The following ROBO2 variants were observed in gnomAD, a reference collection of about 807,000 sequenced individuals.
The protein encoded by ROBO2 is roundabout guidance receptor 2, also known as roundabout homolog 2.
ROBO2 carries 53 observed loss-of-function variants against 160.8 expected under a neutral mutation model. The observed-to-expected ratio is 0.33, with a 90% CI of 0.26 to 0.41. The LOEUF is 0.41. Among genes scored for constraint, ROBO2 ranks in the 10% least tolerant of loss-of-function variants. The pLI, the probability that ROBO2 is intolerant of heterozygous loss-of-function variation, is 1.00. For missense variants in ROBO2, 1,577 were observed against 1,722.4 expected, an observed-to-expected ratio of 0.92 and a Z score of 1.49; for synonymous variants, 664 against 611.7, an observed-to-expected ratio of 1.09 and a Z score of -1.26.
chr3:77,590,001 G>A (rs556843339), intron 17 of ROBO2, among the ~76,000 whole-genome samples: 10 of 152,162 alleles, frequency 6.6e-5, no homozygotes, highest in Non-Finnish European at 2.9e-5. Context: ...AAGCTTTTAC[G>A]ATGCTGTGGC....
At chr3:77,069,404 A>G (rs2067183785) in intron 1 of ROBO2, among the ~76,000 whole-genome samples, 1 of 152,184 alleles carries the variant, frequency 6.6e-6, no homozygotes, top group Admixed American at 6.5e-5. Context: ...GAATGACTGG[A>G]CTTGTCATAT....
chr3:76,543,264 A>G (rs183491701), intron 2 of ROBO2, among the ~76,000 whole-genome samples: 11 of 152,288 alleles, frequency 7.2e-5, no homozygotes, highest in African/African-American at 2.2e-4. Context: ...TTAACCCACA[A>G]TGTGACTGTA....
intron 2 of ROBO2, among the ~76,000 whole-genome samples, chr3:76,936,912 A>G (rs1015624803): frequency 6.6e-6 from 1 of 151,938 alleles, no homozygotes; most frequent in African/African-American, 2.4e-5. Flanking sequence ...TGGAAACATT[A>G]TTCCTAGAAA....
At chr3:76,065,539 C>A (rs1039860895) in intron 2 of ROBO2, among the ~76,000 whole-genome samples, 2 of 151,782 alleles carry the variant, frequency 1.3e-5, no homozygotes, top group Non-Finnish European at 2.9e-5. Flanking sequence ...GTAAAAGCAT[C>A]AGAAACCTAA....
At chr3:76,936,897 G>T (rs1218023942) in intron 2 of ROBO2, among the ~76,000 whole-genome samples, 2 of 151,518 alleles carry the variant, frequency 1.3e-5, no homozygotes, top group Non-Finnish European at 2.9e-5. Context: ...TTCTGAACTG[G>T]TTGTTGGAAA....
rs535607298 is a variant in ROBO2 at position 76,099,217 on chromosome 3, T to C, written c.109+161615T>C. ...TAGCCGTTCCTTTTCTCCTCTTCTA[T>C]CTCTCTCAGTGGGATAATTTGAAAA... On this transcript the variant is annotated intron_variant, in intron 2 of 26. Transcript: ENST00000487694. Among the ~76,000 whole-genome samples the C allele has an allele frequency of 2.6e-5, 4 of 152,256 alleles. No individual in the cohort carries two copies. In the South Asian group the frequency reaches 8.3e-4, roughly 32 times the overall value.
At chr3:76,301,909 G>T (rs1709378051) in intron 2 of ROBO2, among the ~76,000 whole-genome samples, 1 of 151,980 alleles carries the variant, frequency 6.6e-6, no homozygotes, top group African/African-American at 2.4e-5. Context: ...CCTCCATCCT[G>T]TTGACATGAT....
At chr3:76,933,650 A>C (rs1034742673) in intron 2 of ROBO2, among the ~76,000 whole-genome samples, 1 of 152,188 alleles carries the variant, frequency 6.6e-6, no homozygotes, top group African/African-American at 2.4e-5. Context: ...TCCTCCTCTA[A>C]GTTTGGATTG....
At chr3:76,349,326 C>G (rs1329730644) in intron 2 of ROBO2, among the ~76,000 whole-genome samples, 1 of 151,942 alleles carries the variant, frequency 6.6e-6, no homozygotes. Context: ...ATAAATAATA[C>G]TAATAGCAGG....
At chr3:76,939,194 T>C (rs189708657) in intron 2 of ROBO2, among the ~76,000 whole-genome samples, 1 of 152,288 alleles carries the variant, frequency 6.6e-6, no homozygotes, top group African/African-American at 2.4e-5. Flanking sequence ...AATTGCCCCA[T>C]ACTTAGCATT....
chr3:77,339,521 C>T (rs1332592408), intron 2 of ROBO2, among the ~76,000 whole-genome samples: 5 of 152,048 alleles, frequency 3.3e-5, no homozygotes, highest in Non-Finnish European at 7.4e-5. Flanking sequence ...TGGACAACAT[C>T]AGTGTCCCTA....
At chr3:76,543,313 T>C (rs887223854) in intron 2 of ROBO2, among the ~76,000 whole-genome samples, 4 of 152,100 alleles carry the variant, frequency 2.6e-5, no homozygotes, top group Admixed American at 6.6e-5. Flanking sequence ...AGTGAGTTCA[T>C]AGGATGGGAC....
chr3:76,447,667 A>T (rs1577257802), intron 2 of ROBO2, among the ~76,000 whole-genome samples: 1 of 151,274 alleles, frequency 6.6e-6, no homozygotes, highest in African/African-American at 2.4e-5. Context: ...GATAGACTGG[A>T]TTAAGAAAAT....
chr3:76,366,814 A>T (rs2075835351), intron 2 of ROBO2, among the ~76,000 whole-genome samples: 1 of 152,016 alleles, frequency 6.6e-6, no homozygotes, highest in Non-Finnish European at 1.5e-5. Context: ...TTTATTAAGC[A>T]GAGAAATAAT....
At chr3:77,107,519 A>G (rs2072971522) in intron 2 of ROBO2, among the ~76,000 whole-genome samples, 1 of 152,220 alleles carries the variant, frequency 6.6e-6, no homozygotes, top group Non-Finnish European at 1.5e-5. Flanking sequence ...TATACCAACA[A>G]GAAATATTAC....
chr3:76,790,839 G>A (rs2063308891), intron 2 of ROBO2, among the ~76,000 whole-genome samples: 2 of 151,670 alleles, frequency 1.3e-5, no homozygotes, highest in Admixed American at 6.6e-5. Context: ...GGGCCCTTGT[G>A]ACAAATAGAT....
rs1392795343 is a variant in ROBO2 at position 77,296,592 on chromosome 3, T to C, written c.389-180822T>C. On this transcript the variant is annotated intron_variant, in intron 2 of 25. Coordinates refer to ENST00000461745, the Ensembl canonical transcript of ROBO2. ...TCTAGAGTCTAATTTAATTGTTCAG[T>C]GTATTCCCTGGACATTGAGACCTTT... Among the ~76,000 whole-genome samples the C allele has an allele frequency of 3.9e-5, 6 of 152,250 alleles. No homozygotes were observed. In the South Asian group the frequency reaches 1.2e-3, roughly 32 times the overall value.
At chr3:76,714,596 G>C (rs1164326790) in intron 2 of ROBO2, among the ~76,000 whole-genome samples, 1 of 152,136 alleles carries the variant, frequency 6.6e-6, no homozygotes, top group African/African-American at 2.4e-5. Flanking sequence ...TAAGGGAACA[G>C]AACATGACAG....
intron 2 of ROBO2, among the ~76,000 whole-genome samples, chr3:76,318,631 G>C (rs984443555): frequency 6.6e-6 from 1 of 152,052 alleles, no homozygotes; most frequent in Admixed American, 6.6e-5. Flanking sequence ...GATTGTGTCA[G>C]CGCTTCCATT....
Sources: allele counts gnomAD v4.1 joint callset (sites outside exome capture counted in the v4.1 genomes callset), GRCh38; gene constraint gnomAD v4.1.1; transcripts MANE v1.5; gene names NCBI Gene and HGNC (gene_info 2026-07-23, HGNC 2026-07-21).